The following IKZF3 variants were observed in gnomAD, a reference collection of about 807,000 sequenced individuals.
IKZF3 encodes the protein IKAROS family zinc finger 3, also known as zinc finger protein Aiolos.
A neutral mutation model predicts 49.0 loss-of-function variants in IKZF3; 10 were observed. The observed-to-expected ratio is 0.20, with a 90% CI of 0.13 to 0.35. The LOEUF (loss-of-function observed/expected upper bound fraction) is 0.35. Ranked by LOEUF, IKZF3 falls within the 10% of genes least tolerant of loss-of-function variation. IKZF3 has a pLI of 1.00. For synonymous variants in IKZF3, 209 were observed against 228.2 expected, an observed-to-expected ratio of 0.92 and a Z score of 0.76; for missense variants, 498 against 664.8, an observed-to-expected ratio of 0.75 and a Z score of 2.76.
At chr17:39,852,848 A>C (rs2062919418) in intron 1 of IKZF3, among the ~76,000 whole-genome samples, 1 of 152,098 alleles carries the variant, frequency 6.6e-6, no homozygotes, top group Non-Finnish European at 1.5e-5. Context: ...GTGCGTGCCT[A>C]TAATCTCAGC....
intron 1 of IKZF3, among the ~76,000 whole-genome samples, chr17:39,842,162 G>A (rs965206456): frequency 1.3e-4 from 19 of 151,576 alleles, no homozygotes; most frequent in Non-Finnish European, 2.2e-4. Flanking sequence ...CTACAATAGC[G>A]TCTAGATATT....
chr17:39,850,618 T>A lies in IKZF3; in HGVS notation c.7+13502A>T, dbSNP rs1327392682. Among the ~76,000 whole-genome samples the A allele has an allele frequency of 3.8e-5, 5 of 131,642 alleles. No individual in the cohort carries two copies. The South Asian group carries it at 1.2e-3, about 30-fold the overall frequency. 86.4% of individuals were successfully genotyped at this position (131,642 alleles called of 152,430 possible). On this transcript the variant is annotated intron_variant, in intron 1 of 7. Coordinates refer to ENST00000346872, the MANE Select transcript of IKZF3 (RefSeq NM_012481.5). Reference sequence around the variant, plus strand: ...CATATAATATATAGCCTATTATATATGTATATATAATATATAGCATAAATA... The same window carrying A: ...CATATAATATATAGCCTATTATATAAGTATATATAATATATAGCATAAATA...
In IKZF3 at chr17:39,760,081, A is replaced by C. The variant is rs1317303546; in HGVS notation, c.*5709T>G. 1 of 151,834 alleles carries C rather than the reference A, an allele frequency of 6.6e-6. No homozygotes were observed. The highest frequency in any genetic ancestry group is 1.9e-4 in the East Asian group (1 of 5,184). The allele number at this position is 151,834 out of a possible 1,614,324, so 9.4% of individuals were successfully genotyped here. On this transcript the variant is annotated 3_prime_UTR_variant, in exon 8 of 8. Coordinates refer to ENST00000346872, the MANE Select transcript of IKZF3 (RefSeq NM_012481.5). ...TCTCAGTGGGGTACTCTTTAAAGTG[A>C]GGACTTAAACATTTCCATTGTGGTC...
chr17:39,776,232 C>A (rs1263262967), intron 7 of IKZF3, among the ~76,000 whole-genome samples: 1 of 152,172 alleles, frequency 6.6e-6, no homozygotes, highest in Non-Finnish European at 1.5e-5. Context: ...TACAGTGAGA[C>A]CCCGTCTCAA....
intron 1 of IKZF3, among the ~76,000 whole-genome samples, chr17:39,859,863 T>C (rs1331827835): frequency 6.6e-6 from 1 of 152,216 alleles, no homozygotes; most frequent in Admixed American, 6.5e-5. Context: ...TATAGGCAAG[T>C]TTCTGTGTTA....
Position 39,765,617 on chromosome 17 carries a change from G to A in IKZF3, c.*173C>T, listed in dbSNP as rs1370916494. ...AAAAGTAATAATATGCTAGACCTGC[G>A]AATAATTTCTGAAGGAAGACAGTGT... On this transcript the variant is annotated 3_prime_UTR_variant, in exon 8 of 8. Coordinates refer to ENST00000346872, the MANE Select transcript of IKZF3 (RefSeq NM_012481.5). 14 of 554,638 alleles carry A rather than the reference G, an allele frequency of 2.5e-5. No homozygotes were observed. Among genetic ancestry groups the A allele is most frequent in the Non-Finnish European group, 3.5e-5 (11 of 314,786 alleles). The allele number at this position is 554,638 out of a possible 1,614,324, so 34.4% of individuals were successfully genotyped here.
chr17:39,773,163 C>T (rs546755276), intron 7 of IKZF3, among the ~76,000 whole-genome samples: 9 of 152,292 alleles, frequency 5.9e-5, no homozygotes, highest in East Asian at 1.9e-4. Context: ...CAAAGCCCCG[C>T]GCATGACATG....
At chr17:39,771,532 T>A (rs1297091936) in intron 7 of IKZF3, among the ~76,000 whole-genome samples, 4 of 152,156 alleles carry the variant, frequency 2.6e-5, no homozygotes, top group Admixed American at 2.6e-4. Context: ...GAAAACTGAA[T>A]TACTTCTCAA....
chr17:39,791,651 T>G, intron 4 of IKZF3, 68 bp from the exon 5 acceptor site: 3 of 1,482,386 alleles, frequency 2.0e-6, no homozygotes, highest in Non-Finnish European at 2.8e-6. Flanking sequence ...ACAGATTAGA[T>G]GCCTAGGGGA....
At chr17:39,778,613 C>G (rs1030877990) in intron 6 of IKZF3, among the ~76,000 whole-genome samples, 2 of 152,090 alleles carry the variant, frequency 1.3e-5, no homozygotes, top group African/African-American at 4.8e-5. Context: ...ACCAGCCTGA[C>G]CAACTTGGAG....
In IKZF3 at chr17:39,783,571, C is replaced by A. The variant is rs141338000; in HGVS notation, c.709+4687G>T. Among the ~76,000 whole-genome samples, 977 of 152,308 alleles carry A rather than the reference C, an allele frequency of 6.4e-3. 10 individuals are homozygous for A. The highest frequency in any genetic ancestry group is 0.023 in the African/African-American group (948 of 41,556). On this transcript the variant is annotated intron_variant, in intron 6 of 7. Transcript: ENST00000346872. ...TCCTGACCTCGCGATCCGCCCACCT[C>A]AGCATCCTAAAGTGCTGGGATTACA... is the stretch of plus-strand genomic sequence containing the variant.
intron 7 of IKZF3, among the ~76,000 whole-genome samples, chr17:39,769,188 C>A (rs571610625): frequency 6.6e-6 from 1 of 152,184 alleles, no homozygotes; most frequent in African/African-American, 2.4e-5. Context: ...GTGGGCATTC[C>A]GAATGGCCCA....
chr17:39,821,418 T>C (rs1321054730), intron 3 of IKZF3, among the ~76,000 whole-genome samples: 1 of 152,156 alleles, frequency 6.6e-6, no homozygotes, highest in African/African-American at 2.4e-5. Flanking sequence ...GAAATTTTGA[T>C]TCCTGAGTGG....
chr17:39,847,371 G>A (rs548897261), intron 1 of IKZF3, among the ~76,000 whole-genome samples: 2 of 152,240 alleles, frequency 1.3e-5, no homozygotes, highest in African/African-American at 4.8e-5. Context: ...ATGTTTGAAT[G>A]TCCTCTAATA....
At chr17:39,835,903 G>A (rs537309007) in intron 1 of IKZF3, 6 of 651,776 alleles carry the variant, frequency 9.2e-6, no homozygotes, top group Non-Finnish European at 1.7e-5. Flanking sequence ...ACCAGCCCCT[G>A]CATGTTGCCA....
At chr17:39,768,950 A>G (rs1449079973) in intron 7 of IKZF3, among the ~76,000 whole-genome samples, 1 of 152,202 alleles carries the variant, frequency 6.6e-6, no homozygotes, top group Non-Finnish European at 1.5e-5. Context: ...CCCCTTTGTT[A>G]AAAACAGAGA....
chr17:39,833,193 C>A (rs187409138), intron 1 of IKZF3, among the ~76,000 whole-genome samples: 13 of 152,210 alleles, frequency 8.5e-5, no homozygotes, highest in Admixed American at 7.8e-4. Context: ...TATCAGTATA[C>A]CTCAGTCCTA....
intron 3 of IKZF3, among the ~76,000 whole-genome samples, chr17:39,821,504 G>C (rs939795894): frequency 1.3e-5 from 2 of 152,186 alleles, no homozygotes; most frequent in Non-Finnish European, 2.9e-5. Context: ...GAAATTTAAA[G>C]ATGAACCCAA....
rs542080347 is a variant in IKZF3 at position 39,828,055 on chromosome 17, A to G, written c.163+1332T>C. 2.6e-5 allele frequency among the ~76,000 whole-genome samples: 4 copies of G among 152,278 alleles called. No homozygotes were observed. In the East Asian group the frequency reaches 7.7e-4, roughly 29 times the overall value. On this transcript the variant is annotated intron_variant, in intron 3 of 7. Transcript: ENST00000346872. ...ATGACTATTCTTTTTTTCCTTCCCT[A>G]CATTGTCACATCAGCTTTCTCTTTC...
Sources: gnomAD v4.1 joint callset for allele counts (sites outside exome capture counted in the v4.1 genomes callset) on GRCh38, gnomAD v4.1.1 for gene constraint, MANE v1.5 for transcripts, NCBI Gene and HGNC (gene_info 2026-07-23, HGNC 2026-07-21) for gene names.